The following MLXIP variants were observed in gnomAD, a reference collection of about 807,000 sequenced individuals.
MLXIP encodes the protein MLX interacting protein, also known as MLX-interacting protein.
A neutral mutation model predicts 87.2 loss-of-function variants in MLXIP; 30 were observed. That is an observed-to-expected ratio of 0.34 (90% confidence interval 0.26 to 0.47). The LOEUF (loss-of-function observed/expected upper bound fraction) is 0.47, where lower values mean the gene tolerates loss of function less well. Ranked by LOEUF, MLXIP falls within the 20% of genes least tolerant of loss-of-function variation. The probability of loss-of-function intolerance (pLI) is 1.00; values close to 1 mark genes in which losing one functional copy is unlikely to be tolerated. For missense variants in MLXIP, 1,002 were observed against 1,240.1 expected (o/e 0.81, Z 2.88); for synonymous variants, 530 against 514.0 (o/e 1.03, Z -0.42).
chr12:122,131,949 G>C (rs1225001667), intron 7 of MLXIP, among the ~76,000 whole-genome samples: 7 of 119,948 alleles, frequency 5.8e-5, no homozygotes, highest in Admixed American at 1.1e-4. Context: ...TTTGAGACGG[G>C]AATCTCGCTC....
Position 122,138,932 on chromosome 12 carries a change from C to T in MLXIP, c.2502C>T (p.Phe834=). 1 of 1,614,056 alleles carries T rather than the reference C, an allele frequency of 6.2e-7. No homozygotes were observed. Among genetic ancestry groups the T allele is most frequent in the South Asian group, 1.1e-5 (1 of 91,084 alleles). The change falls in exon 15 of 17, where the codon TTC becomes TTT. Residue 834 remains phenylalanine (F), a synonymous_variant. Coordinates refer to ENST00000319080, the MANE Select transcript of MLXIP (RefSeq NM_014938.6). ...CCCGGACCTTGCAGAATTGGAAGTT[C>T]TGGATTGTATCTTTGGGTTTTCTTT... ...VKTRTLQNWK[F]WIFSIIIKPL...
intron 1 of MLXIP, among the ~76,000 whole-genome samples, chr12:122,093,841 GGTGT>G (rs1204418187): frequency 2.8e-5 from 4 of 144,728 alleles, no homozygotes; most frequent in African/African-American, 1.0e-4. Context: ...GTGTGTGTGG[GGTGT>G]GTGTTTGCAG....
chr12:122,105,375 T>G (rs912449478), intron 1 of MLXIP, among the ~76,000 whole-genome samples: 2 of 151,962 alleles, frequency 1.3e-5, no homozygotes, highest in Admixed American at 1.3e-4. Context: ...GAGACGGAGT[T>G]TCGCTCTTGT....
chr12:122,092,689 C>G (rs938711566), intron 1 of MLXIP, among the ~76,000 whole-genome samples: 3 of 152,156 alleles, frequency 2.0e-5, no homozygotes, highest in African/African-American at 7.2e-5. Flanking sequence ...CACCACCATA[C>G]TTGACTAAGG....
Position 122,129,629 on chromosome 12 carries a change from G to A in MLXIP, c.738G>A (p.Gln246=). 6.2e-7 allele frequency: 1 copy of A among 1,611,158 alleles called. No individual in the cohort carries two copies. The highest frequency in any genetic ancestry group is 8.5e-7 in the Non-Finnish European group (1 of 1,179,374). ...HKDEDLSSLV[Q]DDDMLYWHKH... ...ATGAGGACCTCTCCAGCCTGGTCCA[G>A]GTGGGTGAGCCTGGGAGCTCTGAGG... The change falls in exon 5 of 17, where the codon CAG becomes CAA. Residue 246 remains glutamine (Q), a splice_region_variant and synonymous_variant. Transcript: ENST00000319080.
chr12:122,083,484 G>A (rs1462255655), intron 1 of MLXIP, among the ~76,000 whole-genome samples: 4 of 151,484 alleles, frequency 2.6e-5, no homozygotes, highest in Non-Finnish European at 5.9e-5. Context: ...GTGCGATCTC[G>A]GCTCACTGCA....
intron 1 of MLXIP, among the ~76,000 whole-genome samples, chr12:122,114,742 T>C (rs1952661463): frequency 1.9e-5 from 2 of 106,034 alleles, no homozygotes; most frequent in African/African-American, 8.2e-5. Flanking sequence ...GACTTCTTTT[T>C]TTTTTTTTTT....
At chr12:122,127,175 G>A in intron 1 of MLXIP, 81 bp from the exon 2 acceptor site, 1 of 1,117,366 alleles carries the variant, frequency 8.9e-7, no homozygotes, top group Non-Finnish European at 1.3e-6. Flanking sequence ...GTTTGGTCCT[G>A]GAATGATCGG....
In MLXIP at chr12:122,137,542, G is replaced by A. The variant is rs1162486110; in HGVS notation, c.2106G>A (p.Gln702=). The change falls in exon 12 of 17, where the codon CAG becomes CAA. Residue 702 remains glutamine (Q), a synonymous_variant. Transcript: ENST00000319080. The surrounding 1 kb of genome is among the most constrained non-coding windows in gnomAD (Gnocchi z 4.1). ...SEQSPSPQSP[Q]NNCSGKSDPK... is the part of the protein sequence containing the mutation. The stretch of plus-strand genomic sequence containing the variant: ...AGAGCCCCAGTCCTCAATCTCCCCA[G>A]AACAACTGCTCAGGGAAATCCGACC... 1 of 1,613,986 alleles carries A rather than the reference G, an allele frequency of 6.2e-7. No individual in the cohort carries two copies. Among genetic ancestry groups the A allele is most frequent in the Admixed American group, 1.7e-5 (1 of 60,010 alleles).
Position 122,100,919 on chromosome 12 carries a change from T to C in MLXIP, c.413+21653T>C, listed in dbSNP as rs1049227918. ...TTTACAGAATACTCCGAAGCCATTA[T>C]TAGCCAGTTATTAGCCAGTTACATC... On this transcript the variant is annotated intron_variant, in intron 1 of 16. Coordinates refer to ENST00000319080, the MANE Select transcript of MLXIP (RefSeq NM_014938.6). Among the ~76,000 whole-genome samples, 43 of 152,246 alleles carry C rather than the reference T, an allele frequency of 2.8e-4. 2 individuals carry two copies. The highest frequency in any genetic ancestry group is 6.5e-5 in the Admixed American group (1 of 15,280).
chr12:122,139,360 A>G (rs969476578), intron 15 of MLXIP, among the ~76,000 whole-genome samples: 2 of 152,212 alleles, frequency 1.3e-5, no homozygotes, highest in Non-Finnish European at 2.9e-5. Context: ...ACTGAGTGGT[A>G]GAGCCCAATT....
chr12:122,134,181 CTA>C (rs1306543412), intron 9 of MLXIP, 194 bp downstream of exon 9: 2 of 677,774 alleles, frequency 3.0e-6, no homozygotes, highest in Admixed American at 7.6e-5. Context: ...TTTCTATGCT[CTA>C]TCTTTTTTGT....
chr12:122,140,788 GAC>G (rs1377271138), intron 15 of MLXIP, 164 bp from the exon 16 acceptor site: 1 of 1,052,592 alleles, frequency 9.5e-7, no homozygotes, highest in Non-Finnish European at 1.4e-6. Flanking sequence ...TGAAGTGGAA[GAC>G]ACACCTTGCC....
intron 1 of MLXIP, among the ~76,000 whole-genome samples, chr12:122,086,890 G>T (rs984310879): frequency 6.6e-6 from 1 of 152,124 alleles, no homozygotes; most frequent in Non-Finnish European, 1.5e-5. Context: ...TCACAGGCCA[G>T]CCCTGCCGTC....
rs1232612766 is a variant in MLXIP at position 122,132,698 on chromosome 12, TAATAAA to T, written c.1092+321_1092+326del. 5.3e-5 allele frequency: 16 copies of T among 300,342 alleles called. No homozygotes were observed. The Admixed American group carries it at 7.7e-4, about 14-fold the overall frequency. The allele number at this position is 300,342 out of a possible 1,614,324, so 18.6% of individuals were successfully genotyped here. A position where few individuals can be genotyped will look rare whatever the true frequency, so the allele number is the denominator to read the frequency against. ...GACAGAGAAGAAAAACATGGATTACTAATAAAAATAACTTCTGTATATTTCTTTCAC... is the reference window on the plus strand; with the variant it reads ...GACAGAGAAGAAAAACATGGATTACTAATAACTTCTGTATATTTCTTTCAC... On this transcript the variant is annotated intron_variant, in intron 8 of 16. Coordinates refer to ENST00000319080, the MANE Select transcript of MLXIP (RefSeq NM_014938.6).
chr12:122,120,080 A>G (rs1229232402), intron 1 of MLXIP, among the ~76,000 whole-genome samples: 1 of 152,238 alleles, frequency 6.6e-6, no homozygotes, highest in Non-Finnish European at 1.5e-5. Flanking sequence ...GATGATGGAT[A>G]AACAGAATGT....
intron 11 of MLXIP, chr12:122,136,989 A>G (rs1413293145): frequency 6.6e-6 from 1 of 152,218 alleles, no homozygotes; most frequent in East Asian, 1.9e-4. Context: ...AGTAAAGCAG[A>G]ATGGGCCGAG....
intron 15 of MLXIP, among the ~76,000 whole-genome samples, chr12:122,140,407 C>T (rs1183152316): frequency 1.3e-5 from 2 of 152,180 alleles, no homozygotes; most frequent in African/African-American, 4.8e-5. Flanking sequence ...AGCGATTCTC[C>T]TGCCTCAGCC....
At chr12:122,129,382 G>A (rs1341192765) in intron 4 of MLXIP, 156 bp downstream of exon 4, 1 of 379,368 alleles carries the variant, frequency 2.6e-6, no homozygotes, top group Non-Finnish European at 3.6e-6. Context: ...AGACTAGCCT[G>A]GGCAATGGCC....
Sources: allele counts gnomAD v4.1 joint callset (sites outside exome capture counted in the v4.1 genomes callset), GRCh38; gene constraint gnomAD v4.1.1; non-coding constraint Gnocchi (gnomAD v3.1); transcripts MANE v1.5; gene names NCBI Gene and HGNC (gene_info 2026-07-23, HGNC 2026-07-21).